Variants in CDH12 observed in about 807,000 individuals in gnomAD.
CDH12 encodes the protein cadherin 12.
A neutral mutation model predicts 74.1 loss-of-function variants in CDH12; 41 were observed. The ratio of observed to expected loss-of-function variants is 0.55; its 90% CI spans 0.43 to 0.72. CDH12 has a LOEUF of 0.72. Among genes scored for constraint, CDH12 ranks in the 30% least tolerant of loss-of-function variants. The probability of loss-of-function intolerance (pLI) is 0.00; values close to 1 mark genes in which losing one functional copy is unlikely to be tolerated. For synonymous variants in CDH12, 399 were observed against 355.0 expected, an observed-to-expected ratio of 1.12 and a Z score of -1.39; for missense variants, 945 against 977.2, an observed-to-expected ratio of 0.97 and a Z score of 0.44.
At position 22,535,306 on chromosome 5, in the gene CDH12, T is replaced by C. The variant is rs377016720; in HGVS notation, c.-522-29942A>G. ...AGTAGCTGGGACTACAGGCGCCCGC[T>C]ACCACGCCCGGCTAATTTTTTTTGT... On this transcript the variant is annotated intron_variant, in intron 1 of 14. Coordinates refer to ENST00000382254, the MANE Select transcript of CDH12 (RefSeq NM_004061.5). Among the ~76,000 whole-genome samples the C allele has an allele frequency of 4.4e-3, 672 of 151,836 alleles. 3 individuals carry two copies. The highest frequency in any genetic ancestry group is 6.6e-3 in the Non-Finnish European group (451 of 67,902).
chr5:22,747,671 T>G (rs2127028775), intron 1 of CDH12, among the ~76,000 whole-genome samples: 1 of 151,526 alleles, frequency 6.6e-6, no homozygotes, highest in South Asian at 2.1e-4. Context: ...AATTAACTTA[T>G]AGCTAAAGTT....
At chr5:21,759,415 C>CTAAA (rs370887379) in intron 13 of CDH12, among the ~76,000 whole-genome samples, 4,751 of 151,538 alleles carry the variant, frequency 0.031, 90 homozygotes, top group Middle Eastern at 0.058. Flanking sequence ...CTCCCTCCCT[C>CTAAA]TAAATAAATA....
At chr5:21,948,119 A>C (rs1364892356) in intron 6 of CDH12, among the ~76,000 whole-genome samples, 2 of 152,214 alleles carry the variant, frequency 1.3e-5, no homozygotes, top group African/African-American at 4.8e-5. Flanking sequence ...GCCATCATGG[A>C]GAACCTCTGC....
intron 1 of CDH12, among the ~76,000 whole-genome samples, chr5:22,678,169 T>A (rs1741312980): frequency 6.6e-6 from 1 of 151,984 alleles, no homozygotes; most frequent in South Asian, 2.1e-4. Flanking sequence ...AATCTACAAA[T>A]TTAGAAAAAT....
intron 1 of CDH12, among the ~76,000 whole-genome samples, chr5:22,723,324 AT>A (rs1369368732): frequency 1.3e-5 from 2 of 152,164 alleles, no homozygotes; most frequent in Non-Finnish European, 2.9e-5. Context: ...TTTACTTTGT[AT>A]GAAAAGTACA....
chr5:22,257,397 G>T (rs560827801), intron 3 of CDH12, among the ~76,000 whole-genome samples: 3 of 151,732 alleles, frequency 2.0e-5, no homozygotes, highest in Non-Finnish European at 4.4e-5. Context: ...AGGATATTAA[G>T]AAAGAAAATA....
intron 1 of CDH12, among the ~76,000 whole-genome samples, chr5:22,684,601 CA>C: frequency 6.6e-6 from 1 of 152,286 alleles, no homozygotes; most frequent in East Asian, 1.9e-4. Context: ...CTTAGGTTTT[CA>C]AACGCGTAGG....
intron 4 of CDH12, among the ~76,000 whole-genome samples, chr5:22,081,786 A>G (rs984480799): frequency 2.0e-5 from 3 of 152,172 alleles, no homozygotes; most frequent in African/African-American, 7.2e-5. Flanking sequence ...AATGTGTCTA[A>G]AATCTGAGCT....
chr5:22,257,656 T>C (rs1753366814), intron 3 of CDH12, among the ~76,000 whole-genome samples: 1 of 151,956 alleles, frequency 6.6e-6, no homozygotes, highest in Non-Finnish European at 1.5e-5. Context: ...ACTGTCACCA[T>C]GCCTGGCTAA....
At chr5:22,355,096 G>A (rs1454599138) in intron 3 of CDH12, among the ~76,000 whole-genome samples, 2 of 152,140 alleles carry the variant, frequency 1.3e-5, no homozygotes, top group African/African-American at 4.8e-5. Flanking sequence ...TTATAGTGGG[G>A]CATTCATTTT....
chr5:22,502,315 T>C (rs1214331659), intron 2 of CDH12, among the ~76,000 whole-genome samples: 1 of 152,054 alleles, frequency 6.6e-6, no homozygotes, highest in Non-Finnish European at 1.5e-5. Context: ...CCTGCTGCCA[T>C]GTAAGATGTG....
intron 1 of CDH12, among the ~76,000 whole-genome samples, chr5:22,509,492 C>T (rs948881766): frequency 1.5e-4 from 23 of 152,106 alleles, no homozygotes; most frequent in Admixed American, 1.2e-3. Flanking sequence ...AAATCTCAAG[C>T]TACTAGCAAT....
chr5:22,647,176 C>T (rs1739478511), intron 1 of CDH12, among the ~76,000 whole-genome samples: 1 of 151,732 alleles, frequency 6.6e-6, no homozygotes, highest in Non-Finnish European at 1.5e-5. Flanking sequence ...ACACATCCCA[C>T]AATGTGCAAC....
chr5:22,167,221 G>C (rs1748735925), intron 4 of CDH12, among the ~76,000 whole-genome samples: 1 of 152,156 alleles, frequency 6.6e-6, no homozygotes, highest in African/African-American at 2.4e-5. Context: ...CACTGTGTTA[G>C]AATCTCTCTG....
chr5:22,247,468 A>G (rs1752987877), intron 3 of CDH12, among the ~76,000 whole-genome samples: 1 of 152,118 alleles, frequency 6.6e-6, no homozygotes, highest in African/African-American at 2.4e-5. Context: ...CGAGGTCAGG[A>G]GTTCGAGACC....
intron 5 of CDH12, among the ~76,000 whole-genome samples, chr5:22,060,989 T>C (rs1434749561): frequency 1.3e-5 from 2 of 152,208 alleles, no homozygotes; most frequent in South Asian, 2.1e-4. Context: ...CATTGTGCTA[T>C]AGTAAAAAAA....
At chr5:22,070,566 T>A (rs1741871210) in intron 5 of CDH12, among the ~76,000 whole-genome samples, 1 of 152,182 alleles carries the variant, frequency 6.6e-6, no homozygotes, top group African/African-American at 2.4e-5. Flanking sequence ...AAGAAGGAGT[T>A]CTTCCAGCAG....
At chr5:22,851,171 G>A (rs942569457) in intron 1 of CDH12, among the ~76,000 whole-genome samples, 2 of 152,032 alleles carry the variant, frequency 1.3e-5, no homozygotes. Flanking sequence ...ATCATTCCGT[G>A]TGTGGAAGAA....
intron 3 of CDH12, among the ~76,000 whole-genome samples, chr5:22,235,391 G>A (rs904783117): frequency 6.6e-6 from 1 of 152,066 alleles, no homozygotes; most frequent in African/African-American, 2.4e-5. Flanking sequence ...GACCATCCTG[G>A]CCAACATGGT....
Sources: gnomAD v4.1 joint callset for allele counts (sites outside exome capture counted in the v4.1 genomes callset) on GRCh38, gnomAD v4.1.1 for gene constraint, MANE v1.5 for transcripts, NCBI Gene and HGNC (gene_info 2026-07-23, HGNC 2026-07-21) for gene names.